Variants in ADAMTS20 observed in about 807,000 individuals in gnomAD.
The protein encoded by ADAMTS20 is ADAM metallopeptidase with thrombospondin type 1 motif 20, also known as A disintegrin and metalloproteinase with thrombospondin motifs 20.
ADAMTS20 carries 225 observed loss-of-function variants against 260.1 expected under a neutral mutation model. The ratio of observed to expected loss-of-function variants is 0.87; its 90% CI spans 0.78 to 0.97. ADAMTS20 has a LOEUF of 0.97. ADAMTS20 is among the 50% of genes least tolerant of loss of function. The probability of loss-of-function intolerance (pLI) is 0.00; values close to 1 mark genes in which losing one functional copy is unlikely to be tolerated. For synonymous variants in ADAMTS20, 802 were observed against 769.5 expected (o/e 1.04, Z -0.70); for missense variants, 2,400 against 2,337.7 (o/e 1.03, Z -0.55).
At chr12:43,486,059 A>G (rs1309446860) in intron 7 of ADAMTS20, among the ~76,000 whole-genome samples, 7 of 152,172 alleles carry the variant, frequency 4.6e-5, no homozygotes, top group African/African-American at 1.7e-4. Context: ...ATCATTTTTC[A>G]AAGAATTATA....
chr12:43,356,723 C>T (rs914979604), intron 37 of ADAMTS20, 135 bp from the exon 38 acceptor site: 3 of 581,226 alleles, frequency 5.2e-6, no homozygotes, highest in Non-Finnish European at 3.0e-6. Context: ...CTCTGCCCAA[C>T]TCTAGGACTC....
intron 2 of ADAMTS20, among the ~76,000 whole-genome samples, chr12:43,536,593 A>G (rs1943298582): frequency 6.6e-6 from 1 of 152,236 alleles, no homozygotes. Flanking sequence ...GGCTAGAGTA[A>G]TCAGGAGGTA....
intron 3 of ADAMTS20, among the ~76,000 whole-genome samples, chr12:43,527,934 A>C (rs1943165543): frequency 6.6e-6 from 1 of 152,108 alleles, no homozygotes; most frequent in Non-Finnish European, 1.5e-5. Flanking sequence ...TATACCTAGA[A>C]AAGACTAAAC....
At chr12:43,512,871 C>T (rs1209118148) in intron 3 of ADAMTS20, among the ~76,000 whole-genome samples, 3 of 152,162 alleles carry the variant, frequency 2.0e-5, no homozygotes, top group South Asian at 2.1e-4. Flanking sequence ...CTGAACTCCA[C>T]ATCACATGAC....
At chr12:43,547,456 G>A (rs763372178) in intron 2 of ADAMTS20, among the ~76,000 whole-genome samples, 81 of 152,314 alleles carry the variant, frequency 5.3e-4, no homozygotes, top group Middle Eastern at 3.4e-3. Context: ...AAGGCATATT[G>A]CATTGTTCAA....
chr12:43,436,577 A>C lies in ADAMTS20; in HGVS notation c.2594-2206T>G, dbSNP rs12582375. Among the ~76,000 whole-genome samples, 545 of 152,228 alleles carry C rather than the reference A, an allele frequency of 3.6e-3. 10 individuals are homozygous for C. In the East Asian group the frequency reaches 0.066, roughly 19 times the overall value. ...TCTAAGTCTTCCAGATTTAGCATGC[A>C]TTTAACACTTACAGCACATTTCAAT... On this transcript the variant is annotated intron_variant, in intron 18 of 38. Coordinates refer to ENST00000389420, the MANE Select transcript of ADAMTS20 (RefSeq NM_025003.5).
chr12:43,369,163 G>A (rs779821421), intron 37 of ADAMTS20, 127 bp downstream of exon 37: 11 of 494,952 alleles, frequency 2.2e-5, no homozygotes, highest in African/African-American at 1.0e-4. Flanking sequence ...GAAACAAAGC[G>A]CATATGTGAA....
chr12:43,391,580 T>C (rs113749762), intron 29 of ADAMTS20, among the ~76,000 whole-genome samples: 1 of 152,186 alleles, frequency 6.6e-6, no homozygotes, highest in Non-Finnish European at 1.5e-5. Flanking sequence ...ATTTGTGAGT[T>C]TCATTGTTTA....
At chr12:43,486,712 A>G (rs995627345) in intron 7 of ADAMTS20, among the ~76,000 whole-genome samples, 3 of 152,090 alleles carry the variant, frequency 2.0e-5, no homozygotes, top group Admixed American at 6.6e-5. Context: ...TCTACAAGAT[A>G]CTCAAACAAA....
At chr12:43,378,612 A>C (rs1299052377) in intron 31 of ADAMTS20, among the ~76,000 whole-genome samples, 1 of 152,244 alleles carries the variant, frequency 6.6e-6, no homozygotes, top group African/African-American at 2.4e-5. Flanking sequence ...AACCCATAAC[A>C]AAACTCAAAA....
intron 38 of ADAMTS20, among the ~76,000 whole-genome samples, chr12:43,354,700 AAAAG>A (rs1400834483): frequency 7.3e-5 from 11 of 150,242 alleles, no homozygotes; most frequent in African/African-American, 2.2e-4. Context: ...CTCTTTAAAT[AAAAG>A]AAAGATATTG....
intron 6 of ADAMTS20, 50 bp from the exon 7 acceptor site, chr12:43,490,485 A>G: frequency 1.0e-6 from 1 of 988,578 alleles, no homozygotes; most frequent in Non-Finnish European, 1.4e-6. Context: ...TATTTTTGCA[A>G]CAAGCCAAAA....
At chr12:43,475,755 A>G (rs1285191918) in intron 7 of ADAMTS20, among the ~76,000 whole-genome samples, 4 of 150,712 alleles carry the variant, frequency 2.7e-5, no homozygotes, top group Non-Finnish European at 5.9e-5. Context: ...AGGATTCCCT[A>G]TTTAATAAAT....
rs78240229 is a variant in ADAMTS20 at position 43,404,337 on chromosome 12, C to T, written c.4285-5104G>A. Among the ~76,000 whole-genome samples the T allele has an allele frequency of 4.3e-3, 661 of 152,186 alleles. 5 individuals are homozygous for T. The highest frequency in any genetic ancestry group is 0.015 in the African/African-American group (622 of 41,526). ...CATGAACCACAGGATCTTGCATCAA[C>T]TTACTGACCAATGTTTGTCTGAAGT... On this transcript the variant is annotated intron_variant, in intron 28 of 38. Coordinates refer to ENST00000389420, the MANE Select transcript of ADAMTS20 (RefSeq NM_025003.5).
At chr12:43,391,765 A>G (rs987587849) in intron 29 of ADAMTS20, among the ~76,000 whole-genome samples, 1 of 152,198 alleles carries the variant, frequency 6.6e-6, no homozygotes, top group Non-Finnish European at 1.5e-5. Context: ...GTAAATATAT[A>G]TCTGCAAAAT....
At chr12:43,411,129 T>C (rs1035459491) in intron 28 of ADAMTS20, among the ~76,000 whole-genome samples, 1 of 152,196 alleles carries the variant, frequency 6.6e-6, no homozygotes, top group African/African-American at 2.4e-5. Flanking sequence ...TGCATTATTG[T>C]TGTTTACTCA....
Position 43,543,862 on chromosome 12 carries a change from G to C in ADAMTS20, c.453+7047C>G, listed in dbSNP as rs183396319. Among the ~76,000 whole-genome samples the C allele has an allele frequency of 2.3e-3, 352 of 152,166 alleles. 3 individuals carry two copies. The highest frequency in any genetic ancestry group is 8.3e-3 in the African/African-American group (345 of 41,526). ...TAAAATTGGTTTGCGTCACCTTTGGGCTGAGAAAGTCAAGATCCAGTATAC... is the reference window on the plus strand; with the variant it reads ...TAAAATTGGTTTGCGTCACCTTTGGCCTGAGAAAGTCAAGATCCAGTATAC... On this transcript the variant is annotated intron_variant, in intron 2 of 38. Transcript: ENST00000389420.
chr12:43,513,967 G>A (rs1427367992), intron 3 of ADAMTS20, among the ~76,000 whole-genome samples: 3 of 150,030 alleles, frequency 2.0e-5, no homozygotes, highest in Non-Finnish European at 3.0e-5. Context: ...GTTAAATGAC[G>A]AGTTAATGGG....
At chr12:43,526,351 G>A (rs1048732052) in intron 3 of ADAMTS20, among the ~76,000 whole-genome samples, 8 of 152,084 alleles carry the variant, frequency 5.3e-5, no homozygotes, top group Non-Finnish European at 7.4e-5. Context: ...CCAGCTACTC[G>A]GGAGGCTGAG....
Sources: gnomAD v4.1 joint callset for allele counts (sites outside exome capture counted in the v4.1 genomes callset) on GRCh38, gnomAD v4.1.1 for gene constraint, MANE v1.5 for transcripts, NCBI Gene and HGNC (gene_info 2026-07-23, HGNC 2026-07-21) for gene names.